LRP1B: variants seen among roughly 807,000 people sequenced by gnomAD.
The protein encoded by LRP1B is LDL receptor related protein 1B.
LRP1B carries 217 observed loss-of-function variants against 556.6 expected under a neutral mutation model. The ratio of observed to expected loss-of-function variants is 0.39; its 90% CI spans 0.35 to 0.44. LRP1B has a LOEUF of 0.44. Ranked by LOEUF, LRP1B falls within the 20% of genes least tolerant of loss-of-function variation. The pLI is 1.00. For missense variants in LRP1B, 5,053 were observed against 5,620.8 expected (o/e 0.90, Z 3.23); for synonymous variants, 2,047 against 1,865.8 (o/e 1.10, Z -2.50).
intron 27 of LRP1B, among the ~76,000 whole-genome samples, chr2:140,864,624 A>G (rs1266955013): frequency 6.6e-6 from 1 of 152,108 alleles, no homozygotes; most frequent in Admixed American, 6.6e-5. Flanking sequence ...CATGACCCAA[A>G]AAGTGTTTAT....
intron 7 of LRP1B, among the ~76,000 whole-genome samples, chr2:141,145,899 GT>G (rs1701770685): frequency 1.5e-5 from 2 of 137,408 alleles, no homozygotes; most frequent in Non-Finnish European, 3.2e-5. Context: ...GTTATTTCAC[GT>G]TTTTCTTTTC....
At chr2:140,408,100 T>C (rs948581629) in intron 66 of LRP1B, among the ~76,000 whole-genome samples, 3 of 152,044 alleles carry the variant, frequency 2.0e-5, no homozygotes, top group African/African-American at 7.2e-5. Context: ...ATACAATATG[T>C]TCTCCCTTAT....
At chr2:141,193,748 C>T (rs1179383411) in intron 6 of LRP1B, among the ~76,000 whole-genome samples, 1 of 150,768 alleles carries the variant, frequency 6.6e-6, no homozygotes, top group African/African-American at 2.4e-5. Context: ...AAAAAACCCA[C>T]AAAATTGAGA....
intron 2 of LRP1B, among the ~76,000 whole-genome samples, chr2:141,692,822 T>A (rs953290956): frequency 2.0e-5 from 3 of 152,036 alleles, no homozygotes; most frequent in African/African-American, 2.4e-5. Context: ...TCTCAGCAAC[T>A]GTAATACAAT....
intron 1 of LRP1B, among the ~76,000 whole-genome samples, chr2:141,891,185 G>A (rs539738448): frequency 6.6e-6 from 1 of 152,072 alleles, no homozygotes; most frequent in East Asian, 1.9e-4. Flanking sequence ...AAAATAGAAG[G>A]CATAACCATC....
At chr2:140,526,104 C>G in intron 48 of LRP1B, 111 bp from the exon 49 acceptor site, 1 of 1,334,370 alleles carries the variant, frequency 7.5e-7, no homozygotes. Context: ...GAAATAGATA[C>G]GTAATTATCC....
rs2104870403 is a variant in LRP1B, at chr2:140,233,191, C to G, written c.13795G>C (p.Ala4599Pro). Residue 4599 changes from alanine (A) to proline (P), a missense_variant, in exon 91 of 91, where the codon GCA (alanine) becomes CCA (proline). By Grantham distance (27) the Ala-to-Pro change is conservative. Transcript: ENST00000389484. ...CATATAAAAGATATCACTGATTATG[C>G]CACTGTCTCTCTTATACCAATTTCT... ...KIEIGIRETVA is the reference protein window; with the variant it reads ...KIEIGIRETVP 1.3e-6 allele frequency: 2 copies of G among 1,588,896 alleles called. No homozygotes were observed. The highest frequency in any genetic ancestry group is 1.7e-6 in the Non-Finnish European group (2 of 1,162,420).
chr2:141,228,009 C>T (rs1030180990), intron 6 of LRP1B, among the ~76,000 whole-genome samples: 2 of 152,122 alleles, frequency 1.3e-5, no homozygotes, highest in Non-Finnish European at 2.9e-5. Context: ...TCACTGGAAC[C>T]TCCACCTCCT....
At chr2:140,831,325 A>G (rs2105075932) in intron 31 of LRP1B, among the ~76,000 whole-genome samples, 1 of 152,308 alleles carries the variant, frequency 6.6e-6, no homozygotes, top group Admixed American at 6.5e-5. Context: ...AAAAACAGAC[A>G]TAGAGAACAG....
intron 21 of LRP1B, among the ~76,000 whole-genome samples, chr2:140,912,881 C>T (rs967183662): frequency 1.3e-5 from 2 of 151,738 alleles, no homozygotes; most frequent in African/African-American, 2.4e-5. Context: ...TAGAGTTTCT[C>T]TTTTCTGTGT....
chr2:141,080,361 T>C (rs1305978759), intron 7 of LRP1B, among the ~76,000 whole-genome samples: 1 of 152,208 alleles, frequency 6.6e-6, no homozygotes, highest in Non-Finnish European at 1.5e-5. Context: ...TCTTAGTGGC[T>C]GGTTCTGTTT....
chr2:142,092,022 A>G (rs28699639), intron 1 of LRP1B, among the ~76,000 whole-genome samples: 7,903 of 152,290 alleles, frequency 0.052, 431 homozygotes, highest in African/African-American at 0.14. Flanking sequence ...GTGAAAAACA[A>G]GAGGACGAAC....
chr2:140,830,002 A>T (rs548893520), intron 31 of LRP1B, among the ~76,000 whole-genome samples: 1 of 152,140 alleles, frequency 6.6e-6, no homozygotes, highest in East Asian at 1.9e-4. Context: ...AAATTGGAAA[A>T]CCTACAATAA....
intron 41 of LRP1B, among the ~76,000 whole-genome samples, chr2:140,666,648 T>C (rs1157556776): frequency 6.6e-6 from 1 of 152,208 alleles, no homozygotes; most frequent in African/African-American, 2.4e-5. Flanking sequence ...GAAACTAACA[T>C]TTCCAAGGAT....
intron 35 of LRP1B, among the ~76,000 whole-genome samples, chr2:140,763,115 A>G (rs754512570): frequency 5.3e-5 from 8 of 152,120 alleles, no homozygotes; most frequent in Non-Finnish European, 1.2e-4. Flanking sequence ...CTTTTTTCAC[A>G]TATCTTTAGG....
At chr2:140,539,662 T>C (rs536572284) in intron 45 of LRP1B, among the ~76,000 whole-genome samples, 1 of 152,232 alleles carries the variant, frequency 6.6e-6, no homozygotes, top group East Asian at 1.9e-4. Context: ...GAAAGAAACA[T>C]GAGTGATTCT....
At chr2:140,259,478 G>A (rs566878151) in intron 86 of LRP1B, among the ~76,000 whole-genome samples, 1 of 152,052 alleles carries the variant, frequency 6.6e-6, no homozygotes, top group African/African-American at 2.4e-5. Flanking sequence ...GAGAATCATA[G>A]TAAAATAAAT....
In LRP1B at chr2:140,954,063, T is replaced by C. The variant is rs150676580; in HGVS notation, c.2888-2123A>G. ...AGTACTTTCTTGTGTTTATCAGAAA[T>C]GTGTCTCTAAATATTTCCACTATTT... is the stretch of plus-strand genomic sequence containing the variant. On this transcript the variant is annotated intron_variant, in intron 18 of 90. Transcript: ENST00000389484. Among the ~76,000 whole-genome samples the C allele has an allele frequency of 5.3e-5, 8 of 152,334 alleles. 1 individual carries two copies. In the East Asian group the frequency reaches 1.3e-3, roughly 26 times the overall value.
intron 43 of LRP1B, among the ~76,000 whole-genome samples, chr2:140,570,183 TGGA>T (rs1681272170): frequency 6.6e-6 from 1 of 151,296 alleles, no homozygotes; most frequent in Non-Finnish European, 1.5e-5. Flanking sequence ...TACTATAGAT[TGGA>T]GCAGAAATAA....
Sources: gnomAD v4.1 joint callset for allele counts (sites outside exome capture counted in the v4.1 genomes callset) on GRCh38, gnomAD v4.1.1 for gene constraint, MANE v1.5 for transcripts, NCBI Gene and HGNC (gene_info 2026-07-23, HGNC 2026-07-21) for gene names.